ZSCAN5A: variants seen among roughly 807,000 people sequenced by gnomAD.
ZSCAN5A encodes the protein zinc finger and SCAN domain-containing protein 5A.
ZSCAN5A carries 12 observed loss-of-function variants against 23.7 expected under a neutral mutation model. The ratio of observed to expected loss-of-function variants is 0.51; its 90% CI spans 0.32 to 0.82. The LOEUF (loss-of-function observed/expected upper bound fraction) is 0.82, where lower values mean the gene tolerates loss of function less well. ZSCAN5A is among the 40% of genes least tolerant of loss of function. ZSCAN5A has a pLI of 0.03. For synonymous variants in ZSCAN5A, 257 were observed against 239.9 expected, an observed-to-expected ratio of 1.07 and a Z score of -0.66; for missense variants, 597 against 617.9, an observed-to-expected ratio of 0.97 and a Z score of 0.36.
chr19:56,304,858 T>A, intron 2 of ZSCAN5A: 1 of 943,870 alleles, frequency 1.1e-6, no homozygotes. Flanking sequence ...AGTGGGCTTT[T>A]CCCACCGCTG....
rs1198240932 is a variant in ZSCAN5A, at chr19:56,225,003, C to T, written c.44G>A (p.Cys15Tyr). ...TGGCAGCTCCAACCCAGGTCTGTTG[C>T]AGGATTCTCCTAGACTCCATGAGGA... is the stretch of plus-strand genomic sequence containing the variant. ...CTSSWSLGESCNRPGLELPRS... is the reference protein window; with the variant it reads ...CTSSWSLGESYNRPGLELPRS... Residue 15 changes from cysteine to tyrosine, a missense_variant, in exon 3 of 6, where the codon TGC becomes TAC. By Grantham distance (194) the Cys-to-Tyr change is radical. Coordinates refer to ENST00000683990, the MANE Select transcript of ZSCAN5A (RefSeq NM_001322064.3). 6.2e-7 allele frequency: 1 copy of T among 1,613,462 alleles called. No homozygotes were observed. Among genetic ancestry groups the T allele is most frequent in the South Asian group, 1.1e-5 (1 of 90,962 alleles).
chr19:56,319,249 G>C (rs2041349040), upstream of ZSCAN5A, among the ~76,000 whole-genome samples: 1 of 152,008 alleles, frequency 6.6e-6, no homozygotes, highest in African/African-American at 2.4e-5. Context: ...TGTAATCCCA[G>C]CACTTTGGGA....
chr19:56,278,223 G>A (rs909726500), intron 2 of ZSCAN5A, among the ~76,000 whole-genome samples: 1 of 152,062 alleles, frequency 6.6e-6, no homozygotes, highest in Non-Finnish European at 1.5e-5. Flanking sequence ...CTGGGTTCAA[G>A]CAATTATCTT....
chr19:56,297,514 G>C lies in ZSCAN5A; in HGVS notation c.-128+15769C>G, dbSNP rs1001257659. 10 of 984,300 alleles carry C rather than the reference G, an allele frequency of 1.0e-5. No homozygotes were observed. The African/African-American group carries it at 1.6e-4, about 16-fold the overall frequency. 61.0% of individuals were successfully genotyped at this position (984,300 alleles called of 1,614,324 possible). A position where few individuals can be genotyped will look rare whatever the true frequency, so the allele number is the denominator to read the frequency against. On this transcript the variant is annotated intron_variant, in intron 2 of 5. Transcript: ENST00000683990. ...ATCTCTTCATTTTTAGAAGAAACAAGTGGCTGCAAGGAGGAAGGTAAGTGC... is the reference window on the plus strand; with the variant it reads ...ATCTCTTCATTTTTAGAAGAAACAACTGGCTGCAAGGAGGAAGGTAAGTGC...
chr19:56,254,471 T>C (rs2146779875), intron 2 of ZSCAN5A, among the ~76,000 whole-genome samples: 1 of 152,334 alleles, frequency 6.6e-6, no homozygotes, highest in Admixed American at 6.5e-5. Context: ...TATTCCATTG[T>C]ACAGATGGAC....
chr19:56,272,640 T>C (rs2146967853), intron 2 of ZSCAN5A: 1 of 152,336 alleles, frequency 6.6e-6, no homozygotes, highest in South Asian at 2.1e-4. Flanking sequence ...TGCTTTAAGA[T>C]GAAAAAGCAG....
intron 2 of ZSCAN5A, among the ~76,000 whole-genome samples, chr19:56,271,805 T>C (rs888401610): frequency 2.6e-5 from 4 of 152,186 alleles, no homozygotes; most frequent in African/African-American, 4.8e-5. Flanking sequence ...AGAGCTTAGA[T>C]AGACCAGTGG....
At chr19:56,338,966 T>C (rs1373325386) in intron 2 of ZSCAN5A, among the ~76,000 whole-genome samples, 1 of 152,166 alleles carries the variant, frequency 6.6e-6, no homozygotes, top group African/African-American at 2.4e-5. Flanking sequence ...CGTAATGTAT[T>C]TGGAGTGCAA....
intron 5 of ZSCAN5A, 40 bp from the exon 6 acceptor site, chr19:56,222,366 AT>A (rs749404198): frequency 6.9e-6 from 11 of 1,598,986 alleles, no homozygotes; most frequent in South Asian, 2.2e-5. Context: ...AATAAAGCGC[AT>A]TTTCAATACA....
chr19:56,359,377 G>T (rs2041718349), intron 2 of ZSCAN5A, among the ~76,000 whole-genome samples: 1 of 152,110 alleles, frequency 6.6e-6, no homozygotes, highest in Admixed American at 6.6e-5. Context: ...GACTCAACCA[G>T]GAAGAAGTTG....
intron 2 of ZSCAN5A, among the ~76,000 whole-genome samples, chr19:56,241,316 C>T (rs564770875): frequency 9.8e-5 from 15 of 152,288 alleles, no homozygotes; most frequent in African/African-American, 3.4e-4. Context: ...TGTTATCAAA[C>T]TCCTGGGCTC....
chr19:56,223,651 G>T lies in ZSCAN5A; in HGVS notation c.568C>A (p.Pro190Thr), dbSNP rs991659846. 1.2e-5 allele frequency: 20 copies of T among 1,613,532 alleles called. No individual in the cohort carries two copies. The highest frequency in any genetic ancestry group is 1.3e-5 in the Non-Finnish European group (15 of 1,179,980). ...CTCACCTGCCTCCTGGACAATGCAG[G>T]GACCCTGGGCAGGATCTGCAGCTCT... ...HRELQILPRV[P>T]ALSRRQGEDF... is the part of the protein sequence containing the mutation. The change falls in exon 4 of 6, where the codon CCT becomes ACT. Residue 190 changes from proline (P) to threonine (T), a missense_variant. Physicochemically the swap from Pro to Thr is conservative, Grantham distance 38 (BLOSUM62 -1). Around this residue, in one of 5 missense-constraint regions of ZSCAN5A, gnomAD observed 406 missense variants for 353.2 expected, o/e 1.15. Coordinates refer to ENST00000683990, the MANE Select transcript of ZSCAN5A (RefSeq NM_001322064.3).
chr19:56,287,462 A>G (rs535222032), intron 2 of ZSCAN5A, among the ~76,000 whole-genome samples: 2 of 152,164 alleles, frequency 1.3e-5, no homozygotes, highest in African/African-American at 2.4e-5. Flanking sequence ...TTTAACAAGC[A>G]CAATAATTCA....
intron 2 of ZSCAN5A, among the ~76,000 whole-genome samples, chr19:56,274,297 T>C (rs1348347748): frequency 6.6e-6 from 1 of 151,736 alleles, no homozygotes; most frequent in East Asian, 1.9e-4. Context: ...CTACTAAAAA[T>C]ACAAAAATTA....
At chr19:56,346,771 C>T (rs2041636634) in intron 2 of ZSCAN5A, among the ~76,000 whole-genome samples, 1 of 151,726 alleles carries the variant, frequency 6.6e-6, no homozygotes, top group South Asian at 2.1e-4. Flanking sequence ...TGTAGTGGTG[C>T]CATCTCTGCT....
chr19:56,307,804 C>T (rs2040796734), intron 2 of ZSCAN5A, among the ~76,000 whole-genome samples: 1 of 152,160 alleles, frequency 6.6e-6, no homozygotes, highest in Non-Finnish European at 1.5e-5. Flanking sequence ...TGGGTACACA[C>T]CTATTTTAAA....
At chr19:56,321,288 A>G in intron 2 of ZSCAN5A, 2 of 662,946 alleles carry the variant, frequency 3.0e-6, no homozygotes, top group East Asian at 5.9e-5. Flanking sequence ...CCAGGGTAAG[A>G]AGAAAATAAC....
At chr19:56,248,363 C>A (rs1028705774) in intron 2 of ZSCAN5A, among the ~76,000 whole-genome samples, 1 of 152,122 alleles carries the variant, frequency 6.6e-6, no homozygotes, top group African/African-American at 2.4e-5. Flanking sequence ...ACGGCTCAAG[C>A]AATTCTGCCG....
At chr19:56,241,985 C>G (rs976076520) in intron 2 of ZSCAN5A, among the ~76,000 whole-genome samples, 11 of 152,276 alleles carry the variant, frequency 7.2e-5, no homozygotes, top group African/African-American at 2.2e-4. Context: ...AACCCTCCCT[C>G]CCTCTATCCC....
Sources: allele counts gnomAD v4.1 joint callset (sites outside exome capture counted in the v4.1 genomes callset), GRCh38; gene constraint gnomAD v4.1.1; regional missense constraint gnomAD v4.1.1; transcripts MANE v1.5; gene names NCBI Gene and HGNC (gene_info 2026-07-23, HGNC 2026-07-21).